The following PTCHD4 variants were observed in gnomAD, a reference collection of about 807,000 sequenced individuals.
PTCHD4 encodes patched domain containing 4, also known as patched domain-containing protein 4.
A neutral mutation model predicts 58.1 loss-of-function variants in PTCHD4; 33 were observed. The observed-to-expected ratio is 0.57, with a 90% CI of 0.43 to 0.76. The LOEUF is 0.76. Ranked by LOEUF, PTCHD4 falls within the 30% of genes least tolerant of loss-of-function variation. The probability of loss-of-function intolerance (pLI) is 0.00; values close to 1 mark genes in which losing one functional copy is unlikely to be tolerated. For synonymous variants in PTCHD4, 478 were observed against 409.6 expected (o/e 1.17, Z -2.02); for missense variants, 1,058 against 1,027.1 (o/e 1.03, Z -0.41).
chr6:48,079,242 T>C (rs556061962), intron 1 of PTCHD4, among the ~76,000 whole-genome samples: 1 of 152,298 alleles, frequency 6.6e-6, no homozygotes, highest in South Asian at 2.1e-4. Context: ...AACCTGCTTA[T>C]TAAGGATGAG....
Position 48,009,076 on chromosome 6 carries a change from C to G in PTCHD4, c.456G>C (p.Gly152=). 1 of 1,613,480 alleles carries G rather than the reference C, an allele frequency of 6.2e-7. No individual in the cohort carries two copies. Among genetic ancestry groups the G allele is most frequent in the East Asian group, 2.2e-5 (1 of 44,856 alleles). ...RNSFIGHQLG[G]VVEVPNSKDQ... ...CTTTGCTGTTTGGCACTTCCACTAC[C>G]CCGCCCAGTTGGTGTCCAATAAAAC... is the stretch of plus-strand genomic sequence containing the variant. Residue 152 remains glycine, a synonymous_variant, in exon 4 of 5, where the codon GGG becomes GGC. Coordinates refer to ENST00000339488, the MANE Select transcript of PTCHD4 (RefSeq NM_001384253.1).
intron 4 of PTCHD4, among the ~76,000 whole-genome samples, chr6:47,962,686 A>G (rs1767141475): frequency 6.6e-6 from 1 of 152,138 alleles, no homozygotes; most frequent in South Asian, 2.1e-4. Flanking sequence ...CTCCTCAGCC[A>G]TGCTGAACTG....
At chr6:48,107,566 A>C (rs1765759303) in intron 1 of PTCHD4, among the ~76,000 whole-genome samples, 2 of 151,956 alleles carry the variant, frequency 1.3e-5, no homozygotes, top group South Asian at 4.1e-4. Context: ...TAAAACACCA[A>C]AAGCAATGGC....
chr6:47,914,812 T>C (rs12209128), intron 4 of PTCHD4, among the ~76,000 whole-genome samples: 2 of 150,848 alleles, frequency 1.3e-5, no homozygotes, highest in Non-Finnish European at 3.0e-5. Flanking sequence ...TCTCCTGTTG[T>C]TTCTTTTCTT....
rs144652487 is a variant in PTCHD4, at chr6:48,096,783, A to G, written c.-970+14266T>C. Reference sequence around the variant, plus strand: ...ATTTAAACGTAAGGGAACCACAAGAATTCTTTTGCATTGAAGTATATAATC... The same window carrying G: ...ATTTAAACGTAAGGGAACCACAAGAGTTCTTTTGCATTGAAGTATATAATC... On this transcript the variant is annotated intron_variant, in intron 1 of 4. Coordinates refer to ENST00000339488, the MANE Select transcript of PTCHD4 (RefSeq NM_001384253.1). Among the ~76,000 whole-genome samples, 911 of 152,274 alleles carry G rather than the reference A, an allele frequency of 6.0e-3. 22 individuals are homozygous for G. Among genetic ancestry groups the G allele is most frequent in the Admixed American group, 0.049 (754 of 15,290 alleles).
intron 3 of PTCHD4, among the ~76,000 whole-genome samples, chr6:48,018,331 A>G (rs1762937324): frequency 6.6e-6 from 1 of 152,218 alleles, no homozygotes; most frequent in Non-Finnish European, 1.5e-5. Context: ...TACCTTCCCT[A>G]TAGTTAATGA....
chr6:48,008,483 G>T (rs921787928), intron 4 of PTCHD4, 151 bp downstream of exon 4: 7 of 864,002 alleles, frequency 8.1e-6, no homozygotes, highest in East Asian at 2.7e-5. Context: ...GCCCAATAAG[G>T]TGAAACAGAC....
intron 3 of PTCHD4, among the ~76,000 whole-genome samples, chr6:48,065,832 A>G (rs992798884): frequency 2.2e-4 from 34 of 152,224 alleles, no homozygotes; most frequent in Non-Finnish European, 5.0e-4. Context: ...ATTGATAGAT[A>G]CTAGAATATT....
intron 1 of PTCHD4, among the ~76,000 whole-genome samples, chr6:48,089,968 T>G (rs1765332880): frequency 6.6e-6 from 1 of 152,230 alleles, no homozygotes; most frequent in Admixed American, 6.5e-5. Context: ...AAGACTCAAT[T>G]TGATTTTATT....
At chr6:48,109,723 C>A (rs1418223388) in intron 1 of PTCHD4, among the ~76,000 whole-genome samples, 1 of 151,700 alleles carries the variant, frequency 6.6e-6, no homozygotes, top group African/African-American at 2.4e-5. Context: ...ACAACAAAAC[C>A]CCAAAAAACA....
chr6:48,051,196 C>T (rs1170700611), intron 3 of PTCHD4, among the ~76,000 whole-genome samples: 2 of 151,720 alleles, frequency 1.3e-5, no homozygotes, highest in Non-Finnish European at 2.9e-5. Flanking sequence ...AAAAATTACT[C>T]CCCCTTTGTT....
chr6:48,054,900 T>G (rs1358657809), intron 3 of PTCHD4, among the ~76,000 whole-genome samples: 1 of 152,158 alleles, frequency 6.6e-6, no homozygotes, highest in Non-Finnish European at 1.5e-5. Flanking sequence ...CTAGCTACAA[T>G]TTATTTTAAA....
chr6:47,957,008 A>C (rs1262868188), intron 4 of PTCHD4, among the ~76,000 whole-genome samples: 2 of 151,760 alleles, frequency 1.3e-5, no homozygotes, highest in Non-Finnish European at 2.9e-5. Context: ...TATTAAAAAT[A>C]CAAAAATTAG....
At chr6:47,897,173 G>A (rs1029155334) in intron 4 of PTCHD4, among the ~76,000 whole-genome samples, 4 of 152,112 alleles carry the variant, frequency 2.6e-5, no homozygotes, top group African/African-American at 9.7e-5. Context: ...GTGTTAAAGA[G>A]AACATTTCTA....
chr6:47,948,320 T>C (rs746789666), intron 4 of PTCHD4, among the ~76,000 whole-genome samples: 5 of 152,190 alleles, frequency 3.3e-5, no homozygotes, highest in Non-Finnish European at 5.9e-5. Flanking sequence ...AGAGGCTCTT[T>C]GCAAGACAGA....
At position 47,991,595 on chromosome 6, in the gene PTCHD4, C is replaced by T. The variant is rs114854306; in HGVS notation, c.898+17039G>A. Among the ~76,000 whole-genome samples the T allele has an allele frequency of 1.7e-3, 253 of 151,422 alleles. 1 individual carries two copies. The highest frequency in any genetic ancestry group is 5.5e-3 in the African/African-American group (228 of 41,336). On this transcript the variant is annotated intron_variant, in intron 4 of 4. Transcript: ENST00000339488. The stretch of plus-strand genomic sequence containing the variant: ...GTAAAAGATTATGTATGAGCTGTAT[C>T]GAAAAGAAATAACGAGGTCTAATGA...
chr6:47,868,907 A>G lies in PTCHD4; in HGVS notation c.*9396T>C, dbSNP rs145467262. Among the ~76,000 whole-genome samples, 113 of 151,872 alleles carry G rather than the reference A, an allele frequency of 7.4e-4. No individual in the cohort carries two copies. The highest frequency in any genetic ancestry group is 2.5e-3 in the African/African-American group (105 of 41,512). On this transcript the variant is annotated 3_prime_UTR_variant, in exon 5 of 5. Coordinates refer to ENST00000339488, the MANE Select transcript of PTCHD4 (RefSeq NM_001384253.1). ...GGAAAATGGCTATTGAATAAGTCCA[A>G]ACATTTCCAGGAAAGACATAAAGGC...
At position 47,868,619 on chromosome 6, in the gene PTCHD4, G is replaced by T. The variant is rs1763637143; in HGVS notation, c.*9684C>A. 6.6e-6 allele frequency among the ~76,000 whole-genome samples: 1 copy of T among 151,710 alleles called. No individual in the cohort carries two copies. The highest frequency in any genetic ancestry group is 1.5e-5 in the Non-Finnish European group (1 of 67,798). ...CCATTTTTAAAATAAAATCAGTGGA[G>T]AATTTCAACTTGAAGCACATATAAA... On this transcript the variant is annotated 3_prime_UTR_variant, in exon 5 of 5. Transcript: ENST00000339488.
chr6:47,878,689 T>G lies in PTCHD4; in HGVS notation c.2146A>C (p.Ile716Leu). ...DMDCISILCL[I>L]YTLNFAIDHC... ...TCAATGGCGAAATTCAAGGTGTAGA[T>G]AAGGCACAAGATAGAAATGCAATCC... Residue 716 changes from isoleucine to leucine, a missense_variant, in exon 5 of 5, where the codon ATC (isoleucine) becomes CTC (leucine). By Grantham distance (5) the Ile-to-Leu change is conservative. Coordinates refer to ENST00000339488, the MANE Select transcript of PTCHD4 (RefSeq NM_001384253.1). 1.2e-6 allele frequency: 2 copies of G among 1,613,532 alleles called. No homozygotes were observed. Among genetic ancestry groups the G allele is most frequent in the East Asian group, 2.2e-5 (1 of 44,836 alleles).
Sources: gnomAD v4.1 joint callset for allele counts (sites outside exome capture counted in the v4.1 genomes callset) on GRCh38, gnomAD v4.1.1 for gene constraint, MANE v1.5 for transcripts, NCBI Gene and HGNC (gene_info 2026-07-23, HGNC 2026-07-21) for gene names.